Variants in SRD5A2 observed in about 807,000 individuals in gnomAD.
The protein encoded by SRD5A2 is steroid 5 alpha-reductase 2.
Under a neutral mutation model 27.4 loss-of-function variants are expected in SRD5A2, and 30 were observed. The ratio of observed to expected loss-of-function variants is 1.10; its 90% CI spans 0.82 to 1.49. The LOEUF (loss-of-function observed/expected upper bound fraction) is 1.49, where lower values mean the gene tolerates loss of function less well. Among genes scored for constraint, SRD5A2 ranks in the 40% most tolerant of loss-of-function variants. The probability of loss-of-function intolerance (pLI) is 0.00; values close to 1 mark genes in which losing one functional copy is unlikely to be tolerated. For missense variants in SRD5A2, 348 were observed against 323.4 expected (o/e 1.08, Z -0.58); for synonymous variants, 141 against 133.6 (o/e 1.06, Z -0.38).
chr2:31,589,279 G>A, the SRD5A2 span, among the ~76,000 whole-genome samples: 11 of 152,298 alleles, frequency 7.2e-5, no homozygotes, highest in East Asian at 3.9e-4. Context: ...GCCAGCCCCC[G>A]GGCCCTCATC....
chr2:31,529,086 T>C (rs1405806572), intron 4 of SRD5A2, among the ~76,000 whole-genome samples: 4 of 152,210 alleles, frequency 2.6e-5, no homozygotes, highest in African/African-American at 9.6e-5. Context: ...TGGACTTATG[T>C]TTGTTCTTAG....
At chr2:31,596,814 G>A in the SRD5A2 span, among the ~76,000 whole-genome samples, 1 of 152,064 alleles carries the variant, frequency 6.6e-6, no homozygotes, top group Non-Finnish European at 1.5e-5. Context: ...TACAAGGAAA[G>A]CTATGAAATA....
At chr2:31,535,081 G>T (rs1665998245) in intron 1 of SRD5A2, among the ~76,000 whole-genome samples, 1 of 151,534 alleles carries the variant, frequency 6.6e-6, no homozygotes, top group Non-Finnish European at 1.5e-5. Context: ...GAGTGCAGTG[G>T]CACGATCTCG....
At chr2:31,534,810 T>A (rs1253495011) in intron 1 of SRD5A2, among the ~76,000 whole-genome samples, 1 of 152,122 alleles carries the variant, frequency 6.6e-6, no homozygotes, top group Non-Finnish European at 1.5e-5. Flanking sequence ...TAGATTTCCT[T>A]CTCAAAAACA....
At chr2:31,620,510 C>T in the SRD5A2 span, among the ~76,000 whole-genome samples, 2 of 151,978 alleles carry the variant, frequency 1.3e-5, no homozygotes, top group Admixed American at 6.6e-5. Flanking sequence ...AATCAATGTA[C>T]AAAAATCGCT....
chr2:31,543,075 C>T (rs923574540), intron 1 of SRD5A2, among the ~76,000 whole-genome samples: 1 of 152,036 alleles, frequency 6.6e-6, no homozygotes, highest in Non-Finnish European at 1.5e-5. Context: ...TTGTCACATA[C>T]CAAGCATCTG....
chr2:31,646,155 G>T, the SRD5A2 span, among the ~76,000 whole-genome samples: 1 of 151,824 alleles, frequency 6.6e-6, no homozygotes, highest in Non-Finnish European at 1.5e-5. Flanking sequence ...AAACAAACAG[G>T]TGTGTGCGTG....
At chr2:31,572,832 T>C (rs1011833442) in intron 1 of SRD5A2, among the ~76,000 whole-genome samples, 1 of 152,058 alleles carries the variant, frequency 6.6e-6, no homozygotes, top group African/African-American at 2.4e-5. Context: ...CAAAACCAAA[T>C]TACCCTGTTT....
At chr2:31,533,481 G>A (rs1558357693) in intron 2 of SRD5A2, 122 bp downstream of exon 2, 2 of 858,220 alleles carry the variant, frequency 2.3e-6, no homozygotes, top group Non-Finnish European at 3.7e-6. Flanking sequence ...TCAGGGTAGA[G>A]GTGAGGGAGG....
At chr2:31,629,209 G>C in the SRD5A2 span, among the ~76,000 whole-genome samples, 1 of 151,970 alleles carries the variant, frequency 6.6e-6, no homozygotes, top group Non-Finnish European at 1.5e-5. Flanking sequence ...TCTCTTCCAC[G>C]ACCCATGGCT....
intron 1 of SRD5A2, among the ~76,000 whole-genome samples, chr2:31,544,864 G>A (rs956814206): frequency 2.0e-5 from 3 of 151,254 alleles, no homozygotes; most frequent in Non-Finnish European, 4.4e-5. Context: ...AATAAAAGTG[G>A]GACATTACTA....
chr2:31,648,376 A>G, the SRD5A2 span, among the ~76,000 whole-genome samples: 1 of 152,202 alleles, frequency 6.6e-6, no homozygotes, highest in African/African-American at 2.4e-5. Context: ...TAGTCCAGCC[A>G]TGTGTGTGGG....
chr2:31,571,419 A>G (rs1346553558), intron 1 of SRD5A2, among the ~76,000 whole-genome samples: 1 of 152,220 alleles, frequency 6.6e-6, no homozygotes, highest in African/African-American at 2.4e-5. Flanking sequence ...TAAACACCCT[A>G]GAAGAAAACC....
At chr2:31,652,341 C>T in the SRD5A2 span, among the ~76,000 whole-genome samples, 1 of 152,130 alleles carries the variant, frequency 6.6e-6, no homozygotes, top group Non-Finnish European at 1.5e-5. Context: ...AGATTTTTAA[C>T]TTGGCCAACT....
chr2:31,526,257 T>A lies in SRD5A2; in HGVS notation c.704A>T (p.Tyr235Phe), dbSNP rs772283403. 1.0e-5 allele frequency: 16 copies of A among 1,577,648 alleles called. No homozygotes were observed. The highest frequency in any genetic ancestry group is 1.7e-4 in the Middle Eastern group (1 of 6,040). Residue 235 changes from tyrosine to phenylalanine, a missense_variant, in exon 5 of 5, where the codon TAC becomes TTC. Tyr to Phe is a conservative substitution (Grantham distance 22). Coordinates refer to ENST00000622030, the MANE Select transcript of SRD5A2 (RefSeq NM_000348.4). ...GLRAFHHHRF[Y>F]LKMFEDYPKS... ...GGGGTAGTCCTCAAACATCTTGAGG[T>A]AGAACCTAAAAGACAAGAAAGGAAT...
At chr2:31,548,029 A>C (rs1666299036) in intron 1 of SRD5A2, among the ~76,000 whole-genome samples, 1 of 152,176 alleles carries the variant, frequency 6.6e-6, no homozygotes, top group Non-Finnish European at 1.5e-5. Flanking sequence ...TGCTGGGAAA[A>C]CTGGATATCC....
At chr2:31,581,096 G>A (rs1667074757), upstream of SRD5A2, 2 of 608,232 alleles carry the variant, frequency 3.3e-6, no homozygotes, top group South Asian at 2.3e-5. Context: ...GGATGCAGCC[G>A]CGGTGGCCGG....
the SRD5A2 span, among the ~76,000 whole-genome samples, chr2:31,647,907 G>A: frequency 6.6e-6 from 1 of 152,288 alleles, no homozygotes; most frequent in African/African-American, 2.4e-5. Flanking sequence ...TTTTTTATGA[G>A]TATGAAAACT....
chr2:31,620,506 T>C, the SRD5A2 span, among the ~76,000 whole-genome samples: 2 of 152,086 alleles, frequency 1.3e-5, no homozygotes, highest in Non-Finnish European at 2.9e-5. Context: ...ACTAAATCAA[T>C]GTACAAAAAT....
Sources: gnomAD v4.1 joint callset for allele counts (sites outside exome capture counted in the v4.1 genomes callset) on GRCh38, gnomAD v4.1.1 for gene constraint, MANE v1.5 for transcripts, NCBI Gene and HGNC (gene_info 2026-07-23, HGNC 2026-07-21) for gene names.